The following RELCH variants were observed in gnomAD, a reference collection of about 807,000 sequenced individuals.
RELCH encodes RAB11 binding and LisH domain, coiled-coil and HEAT repeat containing.
Under a neutral mutation model 150.3 loss-of-function variants are expected in RELCH, and 41 were observed. The ratio of observed to expected loss-of-function variants is 0.27; its 90% CI spans 0.21 to 0.35. The LOEUF is 0.35. Ranked by LOEUF, RELCH falls within the 10% of genes least tolerant of loss-of-function variation. The probability of loss-of-function intolerance (pLI) is 1.00; values close to 1 mark genes in which losing one functional copy is unlikely to be tolerated. For synonymous variants in RELCH, 478 were observed against 531.8 expected (o/e 0.90, Z 1.39); for missense variants, 1,092 against 1,467.8 (o/e 0.74, Z 4.18).
chr18:62,277,205 G>A (rs1027721262), intron 22 of RELCH, among the ~76,000 whole-genome samples: 6 of 151,886 alleles, frequency 4.0e-5, no homozygotes, highest in East Asian at 3.9e-4. Flanking sequence ...CTTATTATAC[G>A]TGGCTTATGT....
intron 20 of RELCH, among the ~76,000 whole-genome samples, chr18:62,271,965 GTTA>G (rs2043928268): frequency 6.6e-6 from 1 of 152,156 alleles, no homozygotes; most frequent in African/African-American, 2.4e-5. Flanking sequence ...TTTGGTGGCA[GTTA>G]TTATACTCTT....
At chr18:62,198,035 T>C (rs971771573) in intron 1 of RELCH, among the ~76,000 whole-genome samples, 1 of 152,172 alleles carries the variant, frequency 6.6e-6, no homozygotes, top group African/African-American at 2.4e-5. Flanking sequence ...AGTACAAAAT[T>C]GATCATTTAA....
chr18:62,208,475 G>A (rs1206989661), intron 1 of RELCH, among the ~76,000 whole-genome samples: 1 of 151,962 alleles, frequency 6.6e-6, no homozygotes, highest in Non-Finnish European at 1.5e-5. Context: ...TAGCTCAGAA[G>A]AACGCAAATT....
intron 1 of RELCH, among the ~76,000 whole-genome samples, chr18:62,193,370 A>G (rs9947768): frequency 0.1 from 15,255 of 152,092 alleles, 905 homozygotes; most frequent in East Asian, 0.19. Context: ...TTCCTCTTGC[A>G]TGATCCCTGG....
chr18:62,237,327 T>C (rs1278373805), intron 10 of RELCH, among the ~76,000 whole-genome samples: 6 of 151,840 alleles, frequency 4.0e-5, no homozygotes, highest in Admixed American at 3.3e-4. Context: ...TTGGGTTCTC[T>C]ATTTCCTTAT....
At chr18:62,297,007 C>T (rs775010712) in intron 27 of RELCH, among the ~76,000 whole-genome samples, 3 of 152,158 alleles carry the variant, frequency 2.0e-5, no homozygotes, top group Admixed American at 6.5e-5. Flanking sequence ...CCTGTTTCAC[C>T]GCAAATTTCC....
intron 11 of RELCH, among the ~76,000 whole-genome samples, chr18:62,247,954 A>C (rs1385891347): frequency 6.6e-6 from 1 of 152,174 alleles, no homozygotes; most frequent in East Asian, 1.9e-4. Context: ...AAACTCTTCA[A>C]CCATAGCTCA....
At position 62,227,275 on chromosome 18, in the gene RELCH, T is replaced by TG. The variant is rs777567318; in HGVS notation, c.859-14_859-13insG. The TG allele has an allele frequency of 6.7e-7, 1 of 1,498,800 alleles. No individual in the cohort carries two copies. 92.8% of individuals were successfully genotyped at this position (1,498,800 alleles called of 1,614,324 possible). A position where few individuals can be genotyped will look rare whatever the true frequency, so the allele number is the denominator to read the frequency against. On this transcript the variant is annotated splice_polypyrimidine_tract_variant and intron_variant, in intron 5 of 28. Coordinates refer to ENST00000644646, the MANE Select transcript of RELCH (RefSeq NM_001346231.2). ...TTCCTCGAAGATTTTTTATGTTTTT[T>TG]TTTTATCTTTTAGGATTTTGAATTA...
chr18:62,284,045 A>G (rs2044662574), intron 25 of RELCH, among the ~76,000 whole-genome samples: 1 of 152,204 alleles, frequency 6.6e-6, no homozygotes, highest in African/African-American at 2.4e-5. Flanking sequence ...AGAAAGACTC[A>G]TGATAATCTG....
chr18:62,201,906 TAA>T (rs2148245619), intron 1 of RELCH, among the ~76,000 whole-genome samples: 1 of 152,322 alleles, frequency 6.6e-6, no homozygotes, highest in South Asian at 2.1e-4. Context: ...GATCTGAGAC[TAA>T]GTTTTTCAAT....
intron 22 of RELCH, 50 bp from the exon 23 acceptor site, chr18:62,279,724 T>G: frequency 8.0e-7 from 1 of 1,249,174 alleles, no homozygotes; most frequent in South Asian, 1.3e-5. Context: ...CGCACTGTGT[T>G]TGCTCTTTCC....
chr18:62,299,227 A>G (rs887869276), intron 28 of RELCH, among the ~76,000 whole-genome samples: 1 of 152,232 alleles, frequency 6.6e-6, no homozygotes, highest in African/African-American at 2.4e-5. Flanking sequence ...TGAACAACGT[A>G]CTGCATAAAG....
chr18:62,196,324 G>T (rs549740325), intron 1 of RELCH, among the ~76,000 whole-genome samples: 9 of 152,214 alleles, frequency 5.9e-5, no homozygotes, highest in Admixed American at 1.3e-4. Context: ...CTGCCTCCTG[G>T]GTTCAAGTGA....
chr18:62,280,312 A>T (rs769948182), intron 23 of RELCH: 1 of 1,500,762 alleles, frequency 6.7e-7, no homozygotes, highest in Non-Finnish European at 9.3e-7. Context: ...CCCAGTTCTT[A>T]TTCCAGTTTA....
Position 62,264,742 on chromosome 18 carries a change from A to G in RELCH, c.2521A>G (p.Ile841Val), listed in dbSNP as rs2043458140. Residue 841 changes from isoleucine (I) to valine (V), a missense_variant, in exon 18 of 29, where the codon ATA becomes GTA. Around this residue, in one of 4 missense-constraint regions of RELCH, gnomAD observed 707 missense variants for 1,025.4 expected, o/e 0.69. Transcript: ENST00000644646. ...WVVNQLLPQL[I>V]EIVGKINVTS... ...TTTCATATTCAGGTTGCCACAACTT[A>G]TAGAAATAGTTGGCAAAATTAATGT... is the stretch of plus-strand genomic sequence containing the variant. 2 of 1,594,516 alleles carry G rather than the reference A, an allele frequency of 1.3e-6. No homozygotes were observed. Among genetic ancestry groups the G allele is most frequent in the Non-Finnish European group, 1.7e-6 (2 of 1,167,220 alleles).
chr18:62,251,023 T>A lies in RELCH; in HGVS notation c.1734-1641T>A, dbSNP rs190974031. On this transcript the variant is annotated intron_variant, in intron 11 of 28. Transcript: ENST00000644646. ...AAAATTCTGCATTTTAAAGTCATTT[T>A]AGATGGAACTTCATTCTGAAGAGTG... is the stretch of plus-strand genomic sequence containing the variant. Among the ~76,000 whole-genome samples the A allele has an allele frequency of 9.6e-4, 146 of 152,342 alleles. 1 individual carries two copies. The highest frequency in any genetic ancestry group is 3.4e-3 in the African/African-American group (142 of 41,576).
At chr18:62,195,280 C>CTGTGTGTGTGTGTGTGTGTG (rs148387504) in intron 1 of RELCH, among the ~76,000 whole-genome samples, 4 of 136,230 alleles carry the variant, frequency 2.9e-5, no homozygotes, top group African/African-American at 1.0e-4. Flanking sequence ...TACACACACT[C>CTGTGTGTGTGTGTGTGTGTG]TGTGTGTGTG....
intron 25 of RELCH, 43 bp downstream of exon 25, chr18:62,282,487 G>T: frequency 6.3e-7 from 1 of 1,597,670 alleles, no homozygotes; most frequent in African/African-American, 1.4e-5. Flanking sequence ...TGTAATGTAA[G>T]ATCAAAGCTA....
intron 1 of RELCH, among the ~76,000 whole-genome samples, chr18:62,197,499 A>ATT (rs1418437637): frequency 1.7e-4 from 26 of 152,330 alleles, no homozygotes; most frequent in Non-Finnish European, 2.6e-4. Flanking sequence ...CTAAAAATAC[A>ATT]CAATACTTAT....
Sources: allele counts gnomAD v4.1 joint callset (sites outside exome capture counted in the v4.1 genomes callset), GRCh38; gene constraint gnomAD v4.1.1; regional missense constraint gnomAD v4.1.1; transcripts MANE v1.5; gene names NCBI Gene and HGNC (gene_info 2026-07-23, HGNC 2026-07-21).